The following EIF2AK1 variants were observed in gnomAD, a reference collection of about 807,000 sequenced individuals.
The protein encoded by EIF2AK1 is eukaryotic translation initiation factor 2 alpha kinase 1.
EIF2AK1 carries 54 observed loss-of-function variants against 77.9 expected under a neutral mutation model. That is an observed-to-expected ratio of 0.69 (90% CI 0.56 to 0.87). The LOEUF (loss-of-function observed/expected upper bound fraction) is 0.87. Ranked by LOEUF, EIF2AK1 falls within the 40% of genes least tolerant of loss-of-function variation. The pLI is 0.00. For missense variants in EIF2AK1, 810 were observed against 768.6 expected (o/e 1.05, Z -0.64); for synonymous variants, 314 against 290.5 (o/e 1.08, Z -0.82).
chr7:6,029,088 T>C (rs1787828675), intron 11 of EIF2AK1, 56 bp from the exon 12 acceptor site: 1 of 1,378,924 alleles, frequency 7.3e-7, no homozygotes, highest in South Asian at 1.2e-5. Context: ...AATAGTAATA[T>C]CTTGTAAATG....
chr7:6,032,001 C>T lies in EIF2AK1; in HGVS notation c.1333-2969G>A, dbSNP rs1346342536. Among the ~76,000 whole-genome samples the T allele has an allele frequency of 2.0e-5, 3 of 152,088 alleles. No individual in the cohort carries two copies. Among genetic ancestry groups the T allele is most frequent in the Non-Finnish European group, 2.9e-5 (2 of 68,018 alleles). On this transcript the variant is annotated intron_variant, in intron 11 of 14. Coordinates refer to ENST00000199389, the MANE Select transcript of EIF2AK1 (RefSeq NM_014413.4). This position sits in a 1 kb window ranked among gnomAD's most constrained non-coding sequence, Gnocchi z 4.3. ...CCAGCCTGGCCAGCAGGGCAAAACCCCGTCTCTACTAAAAATACAAAAATT... is the reference window on the plus strand; with the variant it reads ...CCAGCCTGGCCAGCAGGGCAAAACCTCGTCTCTACTAAAAATACAAAAATT...
intron 10 of EIF2AK1, among the ~76,000 whole-genome samples, chr7:6,037,872 C>G (rs1335671006): frequency 6.6e-6 from 1 of 151,248 alleles, no homozygotes; most frequent in East Asian, 1.9e-4. Context: ...TCCCTTGAAC[C>G]CTTGACATTC....
In EIF2AK1 at chr7:6,023,062, G is replaced by A; in HGVS notation, c.*1611C>T. On this transcript the variant is annotated 3_prime_UTR_variant, in exon 15 of 15. Transcript: ENST00000199389. Reference sequence around the variant, plus strand: ...TGGTCTGAGGTCCCTTCTAGCTTCAGAAGTGTCATAATCAAATACCAGGAA... The same window carrying A: ...TGGTCTGAGGTCCCTTCTAGCTTCAAAAGTGTCATAATCAAATACCAGGAA... 8 of 484,422 alleles carry A rather than the reference G, an allele frequency of 1.7e-5. No individual in the cohort carries two copies. Among genetic ancestry groups the A allele is most frequent in the East Asian group, 3.6e-5 (1 of 27,490 alleles). 30.0% of individuals were successfully genotyped at this position (484,422 alleles called of 1,614,324 possible).
In EIF2AK1 at chr7:6,049,934, G is replaced by C. The variant is rs748180351; in HGVS notation, c.389C>G (p.Ser130Cys). 6.2e-7 allele frequency: 1 copy of C among 1,611,628 alleles called. No individual in the cohort carries two copies. Among genetic ancestry groups the C allele is most frequent in the Non-Finnish European group, 8.5e-7 (1 of 1,179,446 alleles). ...HNRAITHLMR[S>C]AKERVRQDPC... ...TACCTGACGAACTCTCTCTTTAGCAGACCTCATTAAGTGAGTAATAGCTCT... is the reference window on the plus strand; with the variant it reads ...TACCTGACGAACTCTCTCTTTAGCACACCTCATTAAGTGAGTAATAGCTCT... Residue 130 changes from serine to cysteine, a missense_variant, in exon 3 of 15, where the codon TCT (serine) becomes TGT (cysteine). Transcript: ENST00000199389.
chr7:6,042,277 C>G (rs554323825), intron 8 of EIF2AK1, among the ~76,000 whole-genome samples: 1 of 151,870 alleles, frequency 6.6e-6, no homozygotes, highest in East Asian at 1.9e-4. Context: ...ATGGCAAAAC[C>G]CCGTCTCTGC....
chr7:6,024,955 C>T (rs1787697605), intron 14 of EIF2AK1, among the ~76,000 whole-genome samples, 154 bp from the exon 15 acceptor site: 1 of 151,750 alleles, frequency 6.6e-6, no homozygotes. Context: ...TCTCGTGCCT[C>T]AGCCACCCAA....
At chr7:6,054,494 G>A in intron 2 of EIF2AK1, 52 bp downstream of exon 2, 2 of 1,600,842 alleles carry the variant, frequency 1.2e-6, no homozygotes, top group South Asian at 1.1e-5. Context: ...ATGAACCACG[G>A]AGCCCAGCCT....
chr7:6,054,501 G>A, intron 2 of EIF2AK1, 45 bp downstream of exon 2: 1 of 1,606,540 alleles, frequency 6.2e-7, no homozygotes. Context: ...ACGGAGCCCA[G>A]CCTTTACAAG....
intron 13 of EIF2AK1, chr7:6,028,094 T>A (rs1787802860): frequency 2.9e-6 from 1 of 348,614 alleles, no homozygotes; most frequent in Non-Finnish European, 5.7e-6. Flanking sequence ...AAAAAAATTG[T>A]GACATCTGTG....
Position 6,059,042 on chromosome 7 carries a change from C to T in EIF2AK1, c.42G>A (p.Glu14=), listed in dbSNP as rs1426496998. 26 of 1,510,168 alleles carry T rather than the reference C, an allele frequency of 1.7e-5. No homozygotes were observed. Among genetic ancestry groups the T allele is most frequent in the Non-Finnish European group, 2.3e-5 (26 of 1,134,772 alleles). 93.5% of individuals were successfully genotyped at this position (1,510,168 alleles called of 1,614,324 possible). A position where few individuals can be genotyped will look rare whatever the true frequency, so the allele number is the denominator to read the frequency against. ...GNSGVRKREE[E]GDGAGAVAAP... ...CAGCCACAGCCCCAGCCCCGTCGCCCTCCTCTTCGCGCTTGCGGACCCCGG... is the reference window on the plus strand; with the variant it reads ...CAGCCACAGCCCCAGCCCCGTCGCCTTCCTCTTCGCGCTTGCGGACCCCGG... The change falls in exon 1 of 15, where the codon GAG becomes GAA. Residue 14 remains glutamate (E), a synonymous_variant. Transcript: ENST00000199389.
At chr7:6,055,342 C>CAAA (rs58804557) in intron 1 of EIF2AK1, among the ~76,000 whole-genome samples, 2,709 of 69,480 alleles carry the variant, frequency 0.039, 228 homozygotes, top group African/African-American at 0.13. Flanking sequence ...AACTCCGTCT[C>CAAA]AAAAAAAAAA....
intron 2 of EIF2AK1, 61 bp downstream of exon 2, chr7:6,054,485 T>C: frequency 6.3e-7 from 1 of 1,587,086 alleles, no homozygotes; most frequent in South Asian, 1.1e-5. Context: ...ATTACAGGCA[T>C]GAACCACGGA....
Position 6,058,895 on chromosome 7 carries a change from C to T in EIF2AK1, c.118+71G>A, listed in dbSNP as rs1173009907. ...CCAGGTCCTCAGGCAAACCTCAGGG[C>T]TGCCTTTGCCGCCCAGAAACGCAGG... On this transcript the variant is annotated intron_variant, in intron 1 of 14. Transcript: ENST00000199389. The T allele has an allele frequency of 1.2e-5, 16 of 1,363,828 alleles. No individual in the cohort carries two copies. In the Middle Eastern group the frequency reaches 5.5e-4, roughly 47 times the overall value. 84.5% of individuals were successfully genotyped at this position (1,363,828 alleles called of 1,614,324 possible).
chr7:6,033,674 A>G lies in EIF2AK1; in HGVS notation c.1332+3750T>C, dbSNP rs1423702669. On this transcript the variant is annotated intron_variant, in intron 11 of 14. Coordinates refer to ENST00000199389, the MANE Select transcript of EIF2AK1 (RefSeq NM_014413.4). The surrounding 1 kb of genome is among the most constrained non-coding windows in gnomAD (Gnocchi z 4.4). ...GGCACCATTCTCCTGGGTTCACGCC[A>G]TTCTCCTGCCTCAGCCTCCCAAGTA... 1.3e-5 allele frequency among the ~76,000 whole-genome samples: 2 copies of G among 151,936 alleles called. No homozygotes were observed. Among genetic ancestry groups the G allele is most frequent in the Non-Finnish European group, 2.9e-5 (2 of 67,980 alleles).
At chr7:6,045,733 T>TTATATATATATATATATATATACATA in intron 6 of EIF2AK1, among the ~76,000 whole-genome samples, 2 of 138,022 alleles carry the variant, frequency 1.4e-5, no homozygotes, top group East Asian at 5.3e-4. Flanking sequence ...ATTTTAAAAA[T>TTATATATATATATATATATATACATA]TATATATATA....
chr7:6,054,554 A>G lies in EIF2AK1; in HGVS notation c.269T>C (p.Val90Ala), dbSNP rs1788697391. 1.9e-6 allele frequency: 3 copies of G among 1,614,028 alleles called. No individual in the cohort carries two copies. The highest frequency in any genetic ancestry group is 2.5e-6 in the Non-Finnish European group (3 of 1,180,004). The change falls in exon 2 of 15, where the codon GTG (valine) becomes GCG (alanine). Residue 90 changes from valine to alanine, a missense_variant. Val to Ala is a moderately conservative substitution (Grantham distance 64). Transcript: ENST00000199389. ...HEPNPLRSRQ[V>A]FKLLCQTFIK... Reference sequence around the variant, plus strand: ...CATTTATTCTTACTTACGCTTAAACACCTGTCTTGAACGAAGTGGGTTTGG... The same window carrying G: ...CATTTATTCTTACTTACGCTTAAACGCCTGTCTTGAACGAAGTGGGTTTGG...
chr7:6,045,973 C>T (rs905955180), intron 6 of EIF2AK1, 98 bp downstream of exon 6: 16 of 639,230 alleles, frequency 2.5e-5, no homozygotes, highest in African/African-American at 5.9e-5. Flanking sequence ...AAATCCACAC[C>T]GCCTACTTTT....
At chr7:6,031,696 A>C in intron 11 of EIF2AK1, 16 of 1,069,336 alleles carry the variant, frequency 1.5e-5, no homozygotes, top group East Asian at 2.7e-5. Context: ...CCTTATGAGA[A>C]TGAGACACGA....
chr7:6,031,205 C>T (rs904040488), intron 11 of EIF2AK1, among the ~76,000 whole-genome samples: 3 of 152,126 alleles, frequency 2.0e-5, no homozygotes, highest in Non-Finnish European at 2.9e-5. Context: ...ATTCTATGAT[C>T]AAGGAACAAA....
Sources: gnomAD v4.1 joint callset for allele counts (sites outside exome capture counted in the v4.1 genomes callset) on GRCh38, gnomAD v4.1.1 for gene constraint, Gnocchi (gnomAD v3.1) non-coding constraint, MANE v1.5 for transcripts, NCBI Gene and HGNC (gene_info 2026-07-23, HGNC 2026-07-21) for gene names.